PRKN: variants seen among roughly 807,000 people sequenced by gnomAD.
The protein encoded by PRKN is parkin RBR E3 ubiquitin protein ligase.
PRKN carries 56 observed loss-of-function variants against 59.5 expected under a neutral mutation model. The observed-to-expected ratio is 0.94, with a 90% CI of 0.76 to 1.18. The LOEUF (loss-of-function observed/expected upper bound fraction) is 1.18. Among genes scored for constraint, PRKN ranks in the 50% most tolerant of loss-of-function variants. The probability of loss-of-function intolerance (pLI) is 0.00; values close to 1 mark genes in which losing one functional copy is unlikely to be tolerated. For missense variants in PRKN, 657 were observed against 596.4 expected (o/e 1.10, Z -1.06); for synonymous variants, 250 against 222.1 (o/e 1.13, Z -1.12).
chr6:162,595,410 C>T (rs1279575063), intron 1 of PRKN, among the ~76,000 whole-genome samples: 1 of 151,878 alleles, frequency 6.6e-6, no homozygotes. Context: ...TATGTGCCAC[C>T]ACACCCGGCT....
intron 2 of PRKN, among the ~76,000 whole-genome samples, chr6:162,377,363 GCCAGTGACA>G (rs2128139236): frequency 6.6e-6 from 1 of 152,286 alleles, no homozygotes; most frequent in East Asian, 1.9e-4. Flanking sequence ...TGGCCAAGAG[GCCAGTGACA>G]CCACGCTCGG....
chr6:161,565,480 A>G (rs1011587015), intron 8 of PRKN, among the ~76,000 whole-genome samples: 2 of 152,096 alleles, frequency 1.3e-5, no homozygotes, highest in Non-Finnish European at 2.9e-5. Context: ...GATCATGGGG[A>G]TGATTCCCCC....
intron 2 of PRKN, among the ~76,000 whole-genome samples, chr6:162,349,145 A>T (rs1784522185): frequency 6.6e-6 from 1 of 151,906 alleles, no homozygotes; most frequent in Admixed American, 6.6e-5. Flanking sequence ...AAATTACATG[A>T]ATCTACACAA....
chr6:162,253,441 G>A (rs917380889), intron 3 of PRKN, among the ~76,000 whole-genome samples: 4 of 152,144 alleles, frequency 2.6e-5, no homozygotes, highest in Non-Finnish European at 5.9e-5. Context: ...AATGGATTAA[G>A]CAAATGAATA....
chr6:162,645,132 T>C (rs1321513638), intron 1 of PRKN, among the ~76,000 whole-genome samples: 1 of 152,212 alleles, frequency 6.6e-6, no homozygotes, highest in Non-Finnish European at 1.5e-5. Context: ...CATATTAAAA[T>C]GGCTTTATTT....
At chr6:162,230,907 C>T (rs907434987) in intron 3 of PRKN, among the ~76,000 whole-genome samples, 6 of 152,278 alleles carry the variant, frequency 3.9e-5, no homozygotes, top group Admixed American at 6.5e-5. Flanking sequence ...TTCTGATCTT[C>T]TTTCTATCTC....
At chr6:162,319,295 G>A (rs76840546) in intron 2 of PRKN, among the ~76,000 whole-genome samples, 4,616 of 151,982 alleles carry the variant, frequency 0.03, 207 homozygotes, top group African/African-American at 0.1. Flanking sequence ...GGGGGTGGAG[G>A]AGCCCAAGCA....
intron 1 of PRKN, among the ~76,000 whole-genome samples, chr6:162,460,866 T>A (rs1334348110): frequency 6.6e-6 from 1 of 152,188 alleles, no homozygotes; most frequent in African/African-American, 2.4e-5. Context: ...ATAGTACTAA[T>A]GGTATGAAAA....
intron 1 of PRKN, among the ~76,000 whole-genome samples, chr6:162,720,745 C>T (rs974857155): frequency 2.0e-5 from 3 of 152,134 alleles, no homozygotes; most frequent in East Asian, 1.9e-4. Context: ...CCACCGCGCC[C>T]GGCCCATAGA....
chr6:161,616,525 TA>T (rs1321625825), intron 7 of PRKN, among the ~76,000 whole-genome samples: 2 of 152,040 alleles, frequency 1.3e-5, no homozygotes, highest in Non-Finnish European at 2.9e-5. Context: ...ACCCGTCACC[TA>T]CATTAGGTAT....
intron 6 of PRKN, among the ~76,000 whole-genome samples, chr6:161,897,407 CAAAAGGTCTAATCCAA>C (rs1777668977): frequency 6.6e-6 from 1 of 152,122 alleles, no homozygotes; most frequent in Non-Finnish European, 1.5e-5. Context: ...TTCAAGACTC[CAAAAGGTCTAATCCAA>C]AAAATAGCTG....
Position 161,550,185 on chromosome 6 carries a change from A to AG in PRKN, c.934-1183dup, listed in dbSNP as rs1367898109. Among the ~76,000 whole-genome samples, 1 of 152,288 alleles carries AG rather than the reference A, an allele frequency of 6.6e-6. No homozygotes were observed. The highest frequency in any genetic ancestry group is 2.4e-5 in the African/African-American group (1 of 41,558). The stretch of plus-strand genomic sequence containing the variant: ...GTGGTTGGCTGTTCAGGGTACAACA[A>AG]GGGGGGCAGTGGGGCGGAGGCAGAG... On this transcript the variant is annotated intron_variant, in intron 8 of 11. Coordinates refer to ENST00000366898, the MANE Select transcript of PRKN (RefSeq NM_004562.3). This position sits in a 1 kb window ranked among gnomAD's most constrained non-coding sequence, Gnocchi z 4.0.
At chr6:162,009,493 A>G (rs1182010731) in intron 5 of PRKN, among the ~76,000 whole-genome samples, 2 of 151,912 alleles carry the variant, frequency 1.3e-5, no homozygotes, top group Non-Finnish European at 2.9e-5. Flanking sequence ...TCAATAACTT[A>G]TGGCAAAAAA....
At position 161,546,173 on chromosome 6, in the gene PRKN, T is replaced by A. The variant is rs1176436281; in HGVS notation, c.1083+2681A>T. Reference sequence around the variant, plus strand: ...AGCTTTTGATTAAATATTAAATAAATCTGCACTTAACTCTGTGCCAGGAAC... The same window carrying A: ...AGCTTTTGATTAAATATTAAATAAAACTGCACTTAACTCTGTGCCAGGAAC... On this transcript the variant is annotated intron_variant, in intron 9 of 11. Coordinates refer to ENST00000366898, the MANE Select transcript of PRKN (RefSeq NM_004562.3). The surrounding 1 kb of genome is among the most constrained non-coding windows in gnomAD (Gnocchi z 4.4). Among the ~76,000 whole-genome samples, 2 of 152,258 alleles carry A rather than the reference T, an allele frequency of 1.3e-5. No individual in the cohort carries two copies. Among genetic ancestry groups the A allele is most frequent in the African/African-American group, 4.8e-5 (2 of 41,476 alleles).
At chr6:161,826,005 C>T (rs967205601) in intron 6 of PRKN, among the ~76,000 whole-genome samples, 3 of 152,186 alleles carry the variant, frequency 2.0e-5, no homozygotes, top group African/African-American at 4.8e-5. Context: ...TCCCGGGCTT[C>T]CACCTTCCAA....
chr6:161,721,394 C>T (rs996799943), intron 7 of PRKN, among the ~76,000 whole-genome samples: 4 of 152,190 alleles, frequency 2.6e-5, no homozygotes, highest in Admixed American at 2.6e-4. Context: ...AGGGCAGCAT[C>T]CCTGCCTTGC....
chr6:161,997,942 C>G (rs1433525879), intron 5 of PRKN, among the ~76,000 whole-genome samples: 1 of 151,910 alleles, frequency 6.6e-6, no homozygotes, highest in Admixed American at 6.6e-5. Flanking sequence ...AATACAGGAG[C>G]CAGGTAATGA....
chr6:162,471,057 A>G (rs1055555759), intron 1 of PRKN, among the ~76,000 whole-genome samples: 2 of 146,076 alleles, frequency 1.4e-5, no homozygotes, highest in Admixed American at 7.0e-5. Flanking sequence ...CACCACGCCC[A>G]GCCCACACTC....
At chr6:162,581,907 C>T (rs1780807562) in intron 1 of PRKN, among the ~76,000 whole-genome samples, 1 of 152,164 alleles carries the variant, frequency 6.6e-6, no homozygotes, top group Non-Finnish European at 1.5e-5. Flanking sequence ...AAAACCAAGA[C>T]ACAAAGGTAG....
Sources: allele counts gnomAD v4.1 joint callset (sites outside exome capture counted in the v4.1 genomes callset), GRCh38; gene constraint gnomAD v4.1.1; non-coding constraint Gnocchi (gnomAD v3.1); transcripts MANE v1.5; gene names NCBI Gene and HGNC (gene_info 2026-07-23, HGNC 2026-07-21).